RNLS: variants seen among roughly 807,000 people sequenced by gnomAD.
RNLS encodes the protein renalase, FAD dependent amine oxidase.
In RNLS, 39 loss-of-function variants were observed where a neutral mutation model predicts 39.8. The ratio of observed to expected loss-of-function variants is 0.98; its 90% CI spans 0.76 to 1.28. The LOEUF (loss-of-function observed/expected upper bound fraction) is 1.28. RNLS is among the 50% of genes most tolerant of loss of function. The pLI, the probability that RNLS is intolerant of heterozygous loss-of-function variation, is 0.00. For synonymous variants in RNLS, 147 were observed against 150.7 expected (o/e 0.98, Z 0.18); for missense variants, 410 against 413.3 (o/e 0.99, Z 0.07).
intron 4 of RNLS, among the ~76,000 whole-genome samples, chr10:88,412,529 A>G (rs550596335): frequency 1.3e-5 from 2 of 152,284 alleles, no homozygotes; most frequent in South Asian, 4.1e-4. Context: ...TTGGAGTTTT[A>G]ATAAAGTTAG....
At chr10:88,243,901 G>A in the RNLS span, among the ~76,000 whole-genome samples, 1 of 152,248 alleles carries the variant, frequency 6.6e-6, no homozygotes, top group East Asian at 1.9e-4. Context: ...ATCAGGAGTT[G>A]AGGAAAAGTC....
intron 4 of RNLS, among the ~76,000 whole-genome samples, chr10:88,528,850 C>A (rs1363636523): frequency 8.4e-6 from 1 of 118,960 alleles, no homozygotes; most frequent in Non-Finnish European, 1.8e-5. Context: ...AAGACTCCGT[C>A]TCAAAAAAAA....
At chr10:88,207,923 T>C in the RNLS span, among the ~76,000 whole-genome samples, 2 of 152,284 alleles carry the variant, frequency 1.3e-5, no homozygotes, top group South Asian at 4.1e-4. Context: ...TTGAGATTGA[T>C]GTCTTCTGTT....
At chr10:88,374,348 GGTGTCT>G (rs1245076194) in intron 4 of RNLS, among the ~76,000 whole-genome samples, 1 of 151,892 alleles carries the variant, frequency 6.6e-6, no homozygotes, top group Admixed American at 6.6e-5. Flanking sequence ...GTTTTTACCA[GGTGTCT>G]GTTATTAATT....
intron 4 of RNLS, among the ~76,000 whole-genome samples, chr10:88,515,379 T>C (rs895743559): frequency 2.6e-5 from 4 of 152,112 alleles, no homozygotes; most frequent in Non-Finnish European, 5.9e-5. Flanking sequence ...GGTCCAATTA[T>C]GCCATGTCTT....
chr10:88,460,074 A>G (rs1231383065), intron 4 of RNLS, among the ~76,000 whole-genome samples: 1 of 152,174 alleles, frequency 6.6e-6, no homozygotes, highest in East Asian at 1.9e-4. Flanking sequence ...TCCTCGTGAG[A>G]TCCTTCAGAC....
intron 4 of RNLS, among the ~76,000 whole-genome samples, chr10:88,563,989 C>A (rs1300460386): frequency 6.6e-6 from 1 of 152,006 alleles, no homozygotes; most frequent in Admixed American, 6.6e-5. Context: ...CCATGTTCTC[C>A]TAAATTATAA....
At chr10:88,195,799 C>G in the RNLS span, among the ~76,000 whole-genome samples, 4 of 152,292 alleles carry the variant, frequency 2.6e-5, no homozygotes, top group South Asian at 8.3e-4. Flanking sequence ...GAACCATCTC[C>G]CTGATTCAAA....
chr10:88,478,601 C>T (rs892987945), intron 4 of RNLS, among the ~76,000 whole-genome samples: 1 of 152,098 alleles, frequency 6.6e-6, no homozygotes, highest in Non-Finnish European at 1.5e-5. Context: ...TCTCCACTGT[C>T]CCCCCAGATA....
At position 88,284,429 on chromosome 10, in the gene RNLS, G is replaced by A. The variant is rs199883970; in HGVS notation, c.*925C>T. 2.0e-6 allele frequency: 2 copies of A among 985,212 alleles called. No homozygotes were observed. Among genetic ancestry groups the A allele is most frequent in the East Asian group, 2.3e-4 (2 of 8,822 alleles). The allele number at this position is 985,212 out of a possible 1,614,324, so 61.0% of individuals were successfully genotyped here. A position where few individuals can be genotyped will look rare whatever the true frequency, so the allele number is the denominator to read the frequency against. ...GATTTCTCTCCAGCTAGCAAGTCGT[G>A]GGGTCAGGTCACTGAAGCATGTGGG... On this transcript the variant is annotated 3_prime_UTR_variant, in exon 7 of 7. Transcript: ENST00000331772.
At chr10:88,447,662 A>G (rs183605076) in intron 4 of RNLS, among the ~76,000 whole-genome samples, 179 of 152,348 alleles carry the variant, frequency 1.2e-3, no homozygotes, top group Non-Finnish European at 1.9e-3. Context: ...AAACTACTTT[A>G]GAGTTCATAT....
chr10:88,498,281 T>A (rs1452634797), intron 4 of RNLS, among the ~76,000 whole-genome samples: 1 of 151,664 alleles, frequency 6.6e-6, no homozygotes, highest in Admixed American at 6.6e-5. Context: ...GGCTCAAAAA[T>A]GCAAAGCCTG....
At chr10:88,392,546 A>G (rs1852271525) in intron 4 of RNLS, among the ~76,000 whole-genome samples, 1 of 152,218 alleles carries the variant, frequency 6.6e-6, no homozygotes, top group Non-Finnish European at 1.5e-5. Context: ...ATCTTTGTCC[A>G]ATCATTAGCT....
the RNLS span, among the ~76,000 whole-genome samples, chr10:88,181,971 T>G: frequency 6.6e-6 from 1 of 152,178 alleles, no homozygotes; most frequent in South Asian, 2.1e-4. Flanking sequence ...TTAGTCAAAG[T>G]GCATCAGACC....
intron 4 of RNLS, among the ~76,000 whole-genome samples, chr10:88,387,841 C>T (rs947304814): frequency 1.3e-5 from 2 of 152,152 alleles, no homozygotes; most frequent in Admixed American, 1.3e-4. Context: ...TCAGAAGGCA[C>T]GTCAGCCTGT....
intron 6 of RNLS, among the ~76,000 whole-genome samples, chr10:88,292,512 A>G (rs1267042636): frequency 2.0e-5 from 3 of 151,940 alleles, no homozygotes; most frequent in East Asian, 1.9e-4. Context: ...ATGAGTTTGA[A>G]ACCAATATGA....
At chr10:88,172,842 G>GTTTTTTTTTTTTT in the RNLS span, among the ~76,000 whole-genome samples, 986 of 43,714 alleles carry the variant, frequency 0.023, 365 homozygotes, top group East Asian at 0.039. Context: ...ATTTTGAGTT[G>GTTTTTTTTTTTTT]TTTTTTTTTT....
chr10:88,408,117 C>G (rs1399580140), intron 4 of RNLS, among the ~76,000 whole-genome samples: 1 of 152,090 alleles, frequency 6.6e-6, no homozygotes, highest in African/African-American at 2.4e-5. Flanking sequence ...TTCTGCACCT[C>G]AACTAAGGAT....
the RNLS span, among the ~76,000 whole-genome samples, chr10:88,252,956 G>A: frequency 6.6e-6 from 1 of 152,206 alleles, no homozygotes; most frequent in Non-Finnish European, 1.5e-5. Context: ...TAAGGCAATA[G>A]TCATGGGAGC....
Sources: gnomAD v4.1 joint callset for allele counts (sites outside exome capture counted in the v4.1 genomes callset) on GRCh38, gnomAD v4.1.1 for gene constraint, MANE v1.5 for transcripts, NCBI Gene and HGNC (gene_info 2026-07-23, HGNC 2026-07-21) for gene names.